Variants in NR3C1 observed in about 807,000 individuals in gnomAD.
NR3C1 encodes the protein nuclear receptor subfamily 3 group C member 1.
A neutral mutation model predicts 74.0 loss-of-function variants in NR3C1; 14 were observed. The ratio of observed to expected loss-of-function variants is 0.19; its 90% confidence interval spans 0.12 to 0.30. The LOEUF (loss-of-function observed/expected upper bound fraction) is 0.30, where lower values mean the gene tolerates loss of function less well. Ranked by LOEUF, NR3C1 falls within the 10% of genes least tolerant of loss-of-function variation. The pLI, the probability that NR3C1 is intolerant of heterozygous loss-of-function variation, is 1.00. For synonymous variants in NR3C1, 308 were observed against 332.5 expected (o/e 0.93, Z 0.80); for missense variants, 695 against 909.8 (o/e 0.76, Z 3.04).
At chr5:143,434,594 C>G (rs1247551833) in exon 1 of NR3C1, 1 of 985,302 alleles carries the variant, frequency 1.0e-6, no homozygotes, top group Non-Finnish European at 1.2e-6. Flanking sequence ...AGGAGCCAGG[C>G]AGATGAAAAT....
chr5:143,328,265 C>T (rs895446352), intron 2 of NR3C1, among the ~76,000 whole-genome samples: 5 of 152,220 alleles, frequency 3.3e-5, no homozygotes, highest in African/African-American at 1.2e-4. Flanking sequence ...GGATGCAGGG[C>T]ACCATGTCGT....
intron 2 of NR3C1, among the ~76,000 whole-genome samples, chr5:143,332,312 GT>G (rs1157019698): frequency 5.8e-3 from 642 of 111,382 alleles, no homozygotes; most frequent in Admixed American, 0.015. Context: ...CACTTTGAGT[GT>G]TTTTTTTTTT....
chr5:143,403,248 G>C lies in NR3C1; in HGVS notation c.-51C>G, dbSNP rs1840693000. On this transcript the variant is annotated 5_prime_UTR_variant, in exon 1 of 9. Coordinates refer to ENST00000394464, the MANE Select transcript of NR3C1 (RefSeq NM_000176.3). ...AGCCGCTCGCCCGCCACCGTCCGCA[G>C]TTCCCGCCGCAGCCGAGATAAACAA... The C allele has an allele frequency of 3.0e-6, 3 of 985,454 alleles. No individual in the cohort carries two copies. Among genetic ancestry groups the C allele is most frequent in the Admixed American group, 1.2e-4 (2 of 16,278 alleles). 61.0% of individuals were successfully genotyped at this position (985,454 alleles called of 1,614,324 possible). A position where few individuals can be genotyped will look rare whatever the true frequency, so the allele number is the denominator to read the frequency against.
At chr5:143,432,840 G>A (rs532989656) in intron 1 of NR3C1, among the ~76,000 whole-genome samples, 3 of 152,070 alleles carry the variant, frequency 2.0e-5, no homozygotes, top group East Asian at 1.9e-4. Flanking sequence ...TCCTCCCACC[G>A]GGATCCTCTC....
At chr5:143,322,446 A>AT (rs574424704) in intron 2 of NR3C1, among the ~76,000 whole-genome samples, 163 of 152,060 alleles carry the variant, frequency 1.1e-3, no homozygotes, top group Middle Eastern at 3.4e-3. Flanking sequence ...AAAGGTGGCA[A>AT]TTTTTTTTCT....
At chr5:143,428,623 A>G (rs1325040027) in intron 1 of NR3C1, among the ~76,000 whole-genome samples, 3 of 152,294 alleles carry the variant, frequency 2.0e-5, no homozygotes, top group East Asian at 3.9e-4. Context: ...AGTATTGCCT[A>G]TGGCTGCTTT....
At chr5:143,344,454 A>T (rs529872010) in intron 2 of NR3C1, among the ~76,000 whole-genome samples, 118 of 152,360 alleles carry the variant, frequency 7.7e-4, no homozygotes, top group Admixed American at 1.6e-3. Context: ...TTTATGAATG[A>T]GGACATTTAA....
At position 143,403,615 on chromosome 5, in the gene NR3C1, G is replaced by A. The variant is rs1450200761; in HGVS notation, c.-418C>T. The A allele has an allele frequency of 1.0e-5, 10 of 986,404 alleles. No individual in the cohort carries two copies. Among genetic ancestry groups the A allele is most frequent in the Non-Finnish European group, 1.2e-5 (10 of 830,804 alleles). 61.1% of individuals were successfully genotyped at this position (986,404 alleles called of 1,614,324 possible). A position where few individuals can be genotyped will look rare whatever the true frequency, so the allele number is the denominator to read the frequency against. On this transcript the variant is annotated 5_prime_UTR_variant, in exon 1 of 9. Coordinates refer to ENST00000394464, the MANE Select transcript of NR3C1 (RefSeq NM_000176.3). ...AGGAGGCGGCGGCGGAGGGAAGAGAGCGCGGACACGCGAAAGGGCAGCCCG... is the reference window on the plus strand; with the variant it reads ...AGGAGGCGGCGGCGGAGGGAAGAGAACGCGGACACGCGAAAGGGCAGCCCG...
chr5:143,286,800 A>G (rs1469723827), intron 7 of NR3C1, among the ~76,000 whole-genome samples: 1 of 152,142 alleles, frequency 6.6e-6, no homozygotes, highest in Non-Finnish European at 1.5e-5. Context: ...TAACAAGAGC[A>G]CAGTAAGTTT....
intron 2 of NR3C1, among the ~76,000 whole-genome samples, chr5:143,355,508 T>A (rs1367983631): frequency 1.3e-5 from 2 of 151,334 alleles, no homozygotes; most frequent in Non-Finnish European, 2.9e-5. Flanking sequence ...TAAATACATC[T>A]AATGGGGGAA....
intron 2 of NR3C1, among the ~76,000 whole-genome samples, chr5:143,393,280 T>C (rs1838616685): frequency 6.6e-6 from 1 of 152,192 alleles, no homozygotes; most frequent in East Asian, 1.9e-4. Flanking sequence ...CCAACTTTGT[T>C]ATACCATTCC....
chr5:143,346,278 C>T lies in NR3C1; in HGVS notation c.1185-32110G>A, dbSNP rs908214482. 5.9e-5 allele frequency among the ~76,000 whole-genome samples: 9 copies of T among 152,294 alleles called. No homozygotes were observed. In the East Asian group the frequency reaches 1.5e-3, roughly 26 times the overall value. On this transcript the variant is annotated intron_variant, in intron 2 of 8. Transcript: ENST00000394464. ...TCTTCTTCTCCTCCTTCGTAACAGG[C>T]TTAGAATTCCATGGTATCTGCCACT...
chr5:143,417,654 G>C lies in NR3C1; in HGVS notation c.-13-16802C>G, dbSNP rs115535359. Reference sequence around the variant, plus strand: ...TTATTATTACGCTTTCAGAAAGTGAGATAGCCCTGTAGGCACACCCCAAGC... The same window carrying C: ...TTATTATTACGCTTTCAGAAAGTGACATAGCCCTGTAGGCACACCCCAAGC... On this transcript the variant is annotated intron_variant, in intron 1 of 8. Coordinates refer to the NR3C1 transcript ENST00000343796. Among the ~76,000 whole-genome samples the C allele has an allele frequency of 4.5e-3, 679 of 152,228 alleles. 5 individuals are homozygous for C. The highest frequency in any genetic ancestry group is 0.016 in the African/African-American group (665 of 41,512).
rs991303685 is a variant in NR3C1 at position 143,400,792 on chromosome 5, G to A, written c.48C>T (p.Ser16=). The part of the protein sequence containing the change: ...SLTPGREENP[S]SVLAQERGDV... The stretch of plus-strand genomic sequence containing the variant: ...CTCCCCTCTCCTGAGCAAGCACACT[G>A]CTGGGGTTTTCTTCTCTACCAGGAG... Residue 16 remains serine (S), a synonymous_variant, in exon 2 of 9, where the codon AGC becomes AGT. Coordinates refer to ENST00000394464, the MANE Select transcript of NR3C1 (RefSeq NM_000176.3). 3 of 1,614,146 alleles carry A rather than the reference G, an allele frequency of 1.9e-6. No homozygotes were observed. The South Asian group carries it at 3.3e-5, about 18-fold the overall frequency.
At chr5:143,422,399 T>C (rs1225992226) in intron 1 of NR3C1, among the ~76,000 whole-genome samples, 2 of 152,198 alleles carry the variant, frequency 1.3e-5, no homozygotes, top group Non-Finnish European at 2.9e-5. Context: ...ATTATTTAAC[T>C]CTCTGTTTCT....
intron 2 of NR3C1, among the ~76,000 whole-genome samples, chr5:143,339,657 C>T (rs1158900868): frequency 6.6e-6 from 1 of 152,130 alleles, no homozygotes; most frequent in Non-Finnish European, 1.5e-5. Flanking sequence ...TGATCTCTGT[C>T]CTGAAGCTAG....
intron 2 of NR3C1, among the ~76,000 whole-genome samples, chr5:143,365,100 G>A (rs557876200): frequency 2.2e-4 from 33 of 151,732 alleles, no homozygotes; most frequent in African/African-American, 7.5e-4. Flanking sequence ...AATTAAAATC[G>A]TTACACTAGA....
chr5:143,412,937 CAG>C (rs1251171780), intron 1 of NR3C1, among the ~76,000 whole-genome samples: 1 of 152,144 alleles, frequency 6.6e-6, no homozygotes, highest in Non-Finnish European at 1.5e-5. Context: ...TTCAATCAAT[CAG>C]GGAATGTTTA....
At chr5:143,374,894 C>T (rs1834904106) in intron 2 of NR3C1, among the ~76,000 whole-genome samples, 1 of 152,060 alleles carries the variant, frequency 6.6e-6, no homozygotes, top group South Asian at 2.1e-4. Context: ...TTTACTTGGG[C>T]CTTCATACTC....
Sources: allele counts gnomAD v4.1 joint callset (sites outside exome capture counted in the v4.1 genomes callset), GRCh38; gene constraint gnomAD v4.1.1; transcripts MANE v1.5; gene names NCBI Gene and HGNC (gene_info 2026-07-23, HGNC 2026-07-21).